The following MAP3K7CL variants were observed in gnomAD, a reference collection of about 807,000 sequenced individuals.
MAP3K7CL encodes MAP3K7 C-terminal like.
In MAP3K7CL, 16 loss-of-function variants were observed where a neutral mutation model predicts 18.6. The observed-to-expected ratio is 0.86, with a 90% CI of 0.58 to 1.31. The LOEUF (loss-of-function observed/expected upper bound fraction) is 1.31. Ranked by LOEUF, MAP3K7CL falls within the 50% of genes most tolerant of loss-of-function variation. The pLI, the probability that MAP3K7CL is intolerant of heterozygous loss-of-function variation, is 0.00. For missense variants in MAP3K7CL, 163 were observed against 174.4 expected (o/e 0.93, Z 0.37); for synonymous variants, 65 against 66.8 (o/e 0.97, Z 0.13).
At chr21:29,091,690 C>T (rs1034238142) in exon 3 of MAP3K7CL, 2 of 702,100 alleles carry the variant, frequency 2.8e-6, no homozygotes, top group African/African-American at 3.5e-5. Flanking sequence ...GCTATTTTGC[C>T]CAGGTTGGTC....
chr21:29,140,839 G>A (rs1313901277), intron 2 of MAP3K7CL, among the ~76,000 whole-genome samples: 2 of 152,158 alleles, frequency 1.3e-5, no homozygotes, highest in African/African-American at 2.4e-5. Context: ...GTGCAGTGGT[G>A]CAATCTTGGC....
upstream of MAP3K7CL, among the ~76,000 whole-genome samples, chr21:29,128,517 T>A (rs2086720513): frequency 6.6e-6 from 1 of 151,878 alleles, no homozygotes; most frequent in Admixed American, 6.6e-5. Context: ...TTAGCCAGGA[T>A]GGTCTCGATC....
At chr21:29,171,978 G>C (rs142509913) in intron 4 of MAP3K7CL, among the ~76,000 whole-genome samples, 21 of 145,476 alleles carry the variant, frequency 1.4e-4, no homozygotes. Context: ...ATATATGTGT[G>C]TAAATACATG....
rs979609275 is a variant in MAP3K7CL at position 29,101,343 on chromosome 21, A to G, written c.370+8762A>G. On this transcript the variant is annotated intron_variant, in intron 4 of 6. Transcript: ENST00000286791. ...ACTGGGTCAAGTAATAATGTCACCC[A>G]CACAGATTATTGGATCAATGTTCAC... Among the ~76,000 whole-genome samples, 3 of 152,214 alleles carry G rather than the reference A, an allele frequency of 2.0e-5. No individual in the cohort carries two copies. The South Asian group carries it at 6.2e-4, about 32-fold the overall frequency.
rs1420730793 is a variant in MAP3K7CL at position 29,174,922 on chromosome 21, G to T, written c.*30G>T. On this transcript the variant is annotated 3_prime_UTR_variant, in exon 5 of 5. Coordinates refer to ENST00000399928, the MANE Select transcript of MAP3K7CL (RefSeq NM_001286620.2). ...AAATTTTTCAGTGTGAGCATACGAG[G>T]CTGATGACTGCCCTGTGCTGGCCAA... The T allele has an allele frequency of 6.2e-7, 1 of 1,603,064 alleles. No homozygotes were observed.
intron 4 of MAP3K7CL, among the ~76,000 whole-genome samples, chr21:29,118,386 T>C (rs1377105779): frequency 6.7e-6 from 1 of 148,270 alleles, no homozygotes; most frequent in South Asian, 2.1e-4. Flanking sequence ...CTGACTTTTA[T>C]GGGTACCTTC....
At chr21:29,112,485 G>C (rs2086435755) in intron 4 of MAP3K7CL, among the ~76,000 whole-genome samples, 1 of 151,846 alleles carries the variant, frequency 6.6e-6, no homozygotes, top group African/African-American at 2.4e-5. Flanking sequence ...CTGCTTTGTA[G>C]TTTAATGATT....
intron 3 of MAP3K7CL, among the ~76,000 whole-genome samples, chr21:29,155,117 T>C (rs1266352079): frequency 6.6e-6 from 1 of 152,238 alleles, no homozygotes; most frequent in Non-Finnish European, 1.5e-5. Flanking sequence ...TATTTAAAGT[T>C]CTAAGATAAT....
At chr21:29,159,910 A>C in intron 3 of MAP3K7CL, 31 bp from the exon 4 acceptor site, 1 of 1,559,432 alleles carries the variant, frequency 6.4e-7, no homozygotes, top group Non-Finnish European at 8.8e-7. Flanking sequence ...ATGCAAAGAA[A>C]TGGACTAATT....
intron 4 of MAP3K7CL, among the ~76,000 whole-genome samples, chr21:29,172,910 T>C (rs1157351302): frequency 6.7e-6 from 1 of 148,922 alleles, no homozygotes; most frequent in Non-Finnish European, 1.5e-5. Flanking sequence ...TTATTGCTTT[T>C]CAGGAATATA....
chr21:29,141,731 A>G (rs976336607), intron 2 of MAP3K7CL, among the ~76,000 whole-genome samples: 7 of 152,042 alleles, frequency 4.6e-5, no homozygotes, highest in African/African-American at 1.7e-4. Context: ...ATCCACATCC[A>G]TCTCTATAGC....
intron 4 of MAP3K7CL, among the ~76,000 whole-genome samples, chr21:29,113,811 A>C (rs542504579): frequency 1.3e-5 from 2 of 152,188 alleles, no homozygotes; most frequent in South Asian, 4.2e-4. Context: ...ACTTGTAGGC[A>C]TGAGCCACCA....
At chr21:29,083,296 G>C (rs1057078591), upstream of MAP3K7CL, among the ~76,000 whole-genome samples, 1 of 87,654 alleles carries the variant, frequency 1.1e-5, no homozygotes, top group African/African-American at 3.4e-5. Flanking sequence ...CCTCAATGCC[G>C]TGCAGCACAT....
rs762247269 is a variant in MAP3K7CL at position 29,112,303 on chromosome 21, TTAAAA to T, written c.370+19738_370+19742del. ...CAGAGCAAGACTCTGTCTCAAAAAA[TTAAAA>T]TAAAATAAAATAAAACATAAAAAAA... On this transcript the variant is annotated intron_variant, in intron 4 of 6. Coordinates refer to the MAP3K7CL transcript ENST00000286791. 3.5e-4 allele frequency among the ~76,000 whole-genome samples: 53 copies of T among 151,950 alleles called. 1 individual carries two copies. The highest frequency in any genetic ancestry group is 5.1e-4 in the Non-Finnish European group (35 of 67,968).
rs143778573 is a variant in MAP3K7CL, at chr21:29,136,842, G to A, written c.70+3428G>A. Among the ~76,000 whole-genome samples, 11 of 152,246 alleles carry A rather than the reference G, an allele frequency of 7.2e-5. No homozygotes were observed. The East Asian group carries it at 2.1e-3, about 29-fold the overall frequency. On this transcript the variant is annotated intron_variant, in intron 2 of 4. Coordinates refer to ENST00000399928, the MANE Select transcript of MAP3K7CL (RefSeq NM_001286620.2). The stretch of plus-strand genomic sequence containing the variant: ...GGCCCGACATGTTCATTTCTGATAA[G>A]CCTAGCCTAGTGCTCATTTCATCCA...
At chr21:29,102,242 C>G (rs1392822448) in intron 4 of MAP3K7CL, among the ~76,000 whole-genome samples, 1 of 152,190 alleles carries the variant, frequency 6.6e-6, no homozygotes, top group African/African-American at 2.4e-5. Flanking sequence ...TGTGCCTCTT[C>G]TTGTGCAGTG....
At chr21:29,131,419 G>T (rs1316004511) in intron 1 of MAP3K7CL, 1 of 152,148 alleles carries the variant, frequency 6.6e-6, no homozygotes, top group East Asian at 1.9e-4. Context: ...GAATTTTAAT[G>T]GTTTCTTCTG....
In MAP3K7CL at chr21:29,159,673, G is replaced by C. The variant is rs141338132; in HGVS notation, c.133-268G>C. Among the ~76,000 whole-genome samples, 86 of 152,292 alleles carry C rather than the reference G, an allele frequency of 5.6e-4. No individual in the cohort carries two copies. In the Middle Eastern group the frequency reaches 0.017, roughly 30 times the overall value. ...CCATCACAAGGCAGGTAACTGACATGTAATGGATTTCAGGGCTCTGGCTCA... is the reference window on the plus strand; with the variant it reads ...CCATCACAAGGCAGGTAACTGACATCTAATGGATTTCAGGGCTCTGGCTCA... On this transcript the variant is annotated intron_variant, in intron 3 of 4. Transcript: ENST00000399928.
intron 4 of MAP3K7CL, among the ~76,000 whole-genome samples, chr21:29,098,465 A>G (rs1170354373): frequency 1.3e-5 from 2 of 152,196 alleles, no homozygotes; most frequent in African/African-American, 4.8e-5. Flanking sequence ...ATTTTTAAAA[A>G]ACACGTACTG....
Sources: gnomAD v4.1 joint callset for allele counts (sites outside exome capture counted in the v4.1 genomes callset) on GRCh38, gnomAD v4.1.1 for gene constraint, MANE v1.5 for transcripts, NCBI Gene and HGNC (gene_info 2026-07-23, HGNC 2026-07-21) for gene names.